GABRB1: variants seen among roughly 807,000 people sequenced by gnomAD.
GABRB1 encodes the protein gamma-aminobutyric acid type A receptor subunit beta1, also known as gamma-aminobutyric acid receptor subunit beta-1.
GABRB1 carries 17 observed loss-of-function variants against 51.6 expected under a neutral mutation model. The ratio of observed to expected loss-of-function variants is 0.33; its 90% CI spans 0.23 to 0.49. The LOEUF (loss-of-function observed/expected upper bound fraction) is 0.49, where lower values mean the gene tolerates loss of function less well. GABRB1 is among the 20% of genes least tolerant of loss of function. GABRB1 has a pLI of 0.99. For synonymous variants in GABRB1, 247 were observed against 218.9 expected (o/e 1.13, Z -1.14); for missense variants, 410 against 600.6 (o/e 0.68, Z 3.32).
intron 4 of GABRB1, among the ~76,000 whole-genome samples, chr4:47,273,882 C>G (rs1216598415): frequency 6.6e-6 from 1 of 151,690 alleles, no homozygotes; most frequent in Non-Finnish European, 1.5e-5. Context: ...CACACACACA[C>G]ACACACACAC....
chr4:47,414,846 G>A (rs1728862868), intron 8 of GABRB1, among the ~76,000 whole-genome samples: 1 of 152,144 alleles, frequency 6.6e-6, no homozygotes, highest in South Asian at 2.1e-4. Flanking sequence ...ATACAGCTCT[G>A]TCTTTAGGTC....
intron 4 of GABRB1, among the ~76,000 whole-genome samples, chr4:47,242,648 C>T (rs1721570714): frequency 6.6e-6 from 1 of 152,216 alleles, no homozygotes; most frequent in African/African-American, 2.4e-5. Context: ...TGATGATGAG[C>T]ATTTTCTCAT....
chr4:47,395,176 A>G (rs1728138741), intron 5 of GABRB1, among the ~76,000 whole-genome samples: 1 of 152,336 alleles, frequency 6.6e-6, no homozygotes, highest in South Asian at 2.1e-4. Context: ...TCACACTGCT[A>G]TAAAGAACTA....
chr4:47,385,544 ACT>A (rs2110033777), intron 5 of GABRB1, among the ~76,000 whole-genome samples: 1 of 152,206 alleles, frequency 6.6e-6, no homozygotes, highest in African/African-American at 2.4e-5. Flanking sequence ...TAAATTGAAA[ACT>A]CTGAACTGCT....
intron 2 of GABRB1, among the ~76,000 whole-genome samples, 183 bp downstream of exon 2, chr4:47,032,188 A>G (rs1474268381): frequency 2.0e-5 from 3 of 149,630 alleles, no homozygotes; most frequent in African/African-American, 7.4e-5. Flanking sequence ...CAGGTGGATG[A>G]ATCCTCAGGC....
chr4:47,209,212 C>T (rs1300590474), intron 4 of GABRB1, among the ~76,000 whole-genome samples: 1 of 152,084 alleles, frequency 6.6e-6, no homozygotes, highest in Non-Finnish European at 1.5e-5. Flanking sequence ...TTTAGCTACT[C>T]AAACGTCACT....
intron 3 of GABRB1, among the ~76,000 whole-genome samples, chr4:47,067,164 C>T (rs969098872): frequency 6.6e-6 from 1 of 152,166 alleles, no homozygotes; most frequent in Non-Finnish European, 1.5e-5. Context: ...TAACAATGTG[C>T]TTACTATATT....
intron 5 of GABRB1, among the ~76,000 whole-genome samples, chr4:47,357,432 C>T (rs1020260634): frequency 6.6e-6 from 1 of 152,162 alleles, no homozygotes; most frequent in South Asian, 2.1e-4. Context: ...ATTCCTGTGT[C>T]TTATCTGTCT....
intron 4 of GABRB1, among the ~76,000 whole-genome samples, chr4:47,223,243 C>A (rs1314989047): frequency 1.3e-5 from 2 of 151,872 alleles, no homozygotes; most frequent in Non-Finnish European, 2.9e-5. Context: ...TCATTAGAAT[C>A]GAAAGTATAT....
rs577950938 is a variant in GABRB1, at chr4:47,032,497, C to T, written c.240+13C>T. The stretch of plus-strand genomic sequence containing the variant: ...CGAAGTGAATATGGTGAGTGGCCTC[C>T]CGAGGGGCCCGGCGGTTCGGCTTAC... On this transcript the variant is annotated intron_variant, in intron 3 of 8. Transcript: ENST00000295454. 1.9e-6 allele frequency: 3 copies of T among 1,613,060 alleles called. No individual in the cohort carries two copies. Among genetic ancestry groups the T allele is most frequent in the Admixed American group, 1.7e-5 (1 of 60,018 alleles).
intron 4 of GABRB1, among the ~76,000 whole-genome samples, chr4:47,163,435 C>A (rs966571451): frequency 6.6e-6 from 1 of 151,880 alleles, no homozygotes. Flanking sequence ...CTATTATCTG[C>A]CACACACTCA....
At chr4:47,045,917 C>T (rs542684318) in intron 3 of GABRB1, among the ~76,000 whole-genome samples, 2 of 152,180 alleles carry the variant, frequency 1.3e-5, no homozygotes, top group African/African-American at 4.8e-5. Context: ...TATGGTTTGG[C>T]TCTGTGTCCC....
intron 8 of GABRB1, among the ~76,000 whole-genome samples, 162 bp from the exon 9 acceptor site, chr4:47,425,512 A>AGATAGATAGATC (rs1553884651): frequency 3.4e-5 from 5 of 148,098 alleles, no homozygotes; most frequent in Admixed American, 2.7e-4. Context: ...ATAGATAGAT[A>AGATAGATAGATC]GATAGATCGA....
chr4:47,212,399 G>GGGTGT (rs1720392961), intron 4 of GABRB1, among the ~76,000 whole-genome samples: 1 of 152,136 alleles, frequency 6.6e-6, no homozygotes, highest in Admixed American at 6.5e-5. Flanking sequence ...CCCCAGGGCT[G>GGGTGT]GGTGTGGTGG....
intron 6 of GABRB1, 51 bp downstream of exon 6, chr4:47,403,506 A>G: frequency 6.2e-7 from 1 of 1,613,304 alleles, no homozygotes; most frequent in Non-Finnish European, 8.5e-7. Context: ...AAGGAAGAAG[A>G]TGGTTCCAAC....
At chr4:46,998,026 C>T (rs73813772) in intron 1 of GABRB1, among the ~76,000 whole-genome samples, 13,991 of 152,136 alleles carry the variant, frequency 0.092, 731 homozygotes, top group South Asian at 0.19. Context: ...GCTGTACCAG[C>T]TTACATTCCC....
At chr4:47,254,375 T>G (rs968850481) in intron 4 of GABRB1, among the ~76,000 whole-genome samples, 6 of 125,286 alleles carry the variant, frequency 4.8e-5, no homozygotes, top group African/African-American at 9.2e-5. Flanking sequence ...TTTTTTTTTT[T>G]TTTTTTTTTT....
At chr4:47,187,597 G>T (rs750260055) in intron 4 of GABRB1, among the ~76,000 whole-genome samples, 2 of 151,758 alleles carry the variant, frequency 1.3e-5, no homozygotes, top group Admixed American at 1.3e-4. Context: ...CTCCCATGCC[G>T]ACTCCCTCCG....
In GABRB1 at chr4:47,308,163, T is replaced by C. The variant is rs555747358; in HGVS notation, c.462-11964T>C. Among the ~76,000 whole-genome samples, 43 of 152,068 alleles carry C rather than the reference T, an allele frequency of 2.8e-4. 1 individual carries two copies. The highest frequency in any genetic ancestry group is 4.9e-4 in the Non-Finnish European group (33 of 67,944). ...CCTAAATGTTCAATTTAAAGTATACTGTTTCCCATTGAAAAAATTACAATC... is the reference window on the plus strand; with the variant it reads ...CCTAAATGTTCAATTTAAAGTATACCGTTTCCCATTGAAAAAATTACAATC... On this transcript the variant is annotated intron_variant, in intron 4 of 8. Transcript: ENST00000295454.
Sources: allele counts gnomAD v4.1 joint callset (sites outside exome capture counted in the v4.1 genomes callset), GRCh38; gene constraint gnomAD v4.1.1; transcripts MANE v1.5; gene names NCBI Gene and HGNC (gene_info 2026-07-23, HGNC 2026-07-21).